The following DPF3 variants were observed in gnomAD, a reference collection of about 807,000 sequenced individuals.
The protein encoded by DPF3 is zinc finger protein DPF3.
Under a neutral mutation model 56.8 loss-of-function variants are expected in DPF3, and 18 were observed. The ratio of observed to expected loss-of-function variants is 0.32; its 90% CI spans 0.22 to 0.47. The LOEUF (loss-of-function observed/expected upper bound fraction) is 0.47. Among genes scored for constraint, DPF3 ranks in the 20% least tolerant of loss-of-function variants. The pLI, the probability that DPF3 is intolerant of heterozygous loss-of-function variation, is 1.00. For synonymous variants in DPF3, 188 were observed against 180.2 expected, an observed-to-expected ratio of 1.04 and a Z score of -0.35; for missense variants, 403 against 488.8, an observed-to-expected ratio of 0.82 and a Z score of 1.65.
At chr14:72,867,889 T>C (rs1885740041) in intron 1 of DPF3, among the ~76,000 whole-genome samples, 1 of 152,068 alleles carries the variant, frequency 6.6e-6, no homozygotes, top group Non-Finnish European at 1.5e-5. Context: ...CAGGTGTGTG[T>C]CACCATGCCT....
chr14:72,762,266 A>C (rs7150122), intron 2 of DPF3, among the ~76,000 whole-genome samples: 4,484 of 151,952 alleles, frequency 0.03, 228 homozygotes, highest in African/African-American at 0.1. Context: ...ATCTCTCATA[A>C]ACATAGATGC....
At chr14:72,749,972 A>G (rs920166459) in intron 3 of DPF3, among the ~76,000 whole-genome samples, 2 of 152,210 alleles carry the variant, frequency 1.3e-5, no homozygotes, top group Admixed American at 1.3e-4. Context: ...GAAGCCAGAT[A>G]AACCCTGGGA....
intron 3 of DPF3, among the ~76,000 whole-genome samples, chr14:72,732,612 C>A (rs1032911608): frequency 3.9e-5 from 6 of 152,156 alleles, no homozygotes; most frequent in Non-Finnish European, 8.8e-5. Context: ...TGCACAGCCA[C>A]GCCACGACCT....
At chr14:72,671,173 C>CT in intron 8 of DPF3, 1 of 1,613,924 alleles carries the variant, frequency 6.2e-7, no homozygotes, top group Non-Finnish European at 8.5e-7. Context: ...GGGCGAACCC[C>CT]GGCCACTGCG....
chr14:72,804,988 A>T (rs1882687247), intron 1 of DPF3, among the ~76,000 whole-genome samples: 1 of 151,468 alleles, frequency 6.6e-6, no homozygotes, highest in Non-Finnish European at 1.5e-5. Flanking sequence ...ACAAAGCAGT[A>T]GTCACTTTCC....
At chr14:72,861,031 ACACACACACACACAC>A (rs1885379941) in intron 1 of DPF3, among the ~76,000 whole-genome samples, 59 of 1,280 alleles carry the variant, frequency 0.046, no homozygotes, top group African/African-American at 0.32. Context: ...CACTATACAC[ACACACACACACACAC>A]ACACACACAC....
chr14:72,870,679 TATC>T lies in DPF3; in HGVS notation c.32+23375_32+23377del, dbSNP rs563034836. 1.4e-3 allele frequency among the ~76,000 whole-genome samples: 215 copies of T among 152,346 alleles called. 3 individuals are homozygous for T. Among genetic ancestry groups the T allele is most frequent in the African/African-American group, 4.9e-3 (203 of 41,574 alleles). ...TAGGAAAACCAGTGCTTCTCCTACT[TATC>T]ATTTCATTTTTTTAAAGATGCCAGT... On this transcript the variant is annotated intron_variant, in intron 1 of 10. Coordinates refer to ENST00000556509, the MANE Select transcript of DPF3 (RefSeq NM_001280542.3).
intron 6 of DPF3, among the ~76,000 whole-genome samples, chr14:72,711,741 G>A (rs1214320735): frequency 6.6e-6 from 1 of 152,174 alleles, no homozygotes; most frequent in Non-Finnish European, 1.5e-5. Flanking sequence ...AAGGGGACCT[G>A]TAGGAGAGAA....
At chr14:72,786,260 C>A (rs2139973531) in intron 1 of DPF3, among the ~76,000 whole-genome samples, 1 of 138,554 alleles carries the variant, frequency 7.2e-6, no homozygotes, top group South Asian at 2.4e-4. Flanking sequence ...GAGACTCCAC[C>A]TAAAAAAAAA....
At chr14:72,842,896 G>A (rs1029241803) in intron 1 of DPF3, among the ~76,000 whole-genome samples, 40 of 152,132 alleles carry the variant, frequency 2.6e-4, no homozygotes, top group African/African-American at 7.2e-4. Context: ...GGTGGCAGAC[G>A]CTTGTTATCC....
At chr14:72,630,750 A>C (rs1885123231) in intron 8 of DPF3, among the ~76,000 whole-genome samples, 1 of 152,064 alleles carries the variant, frequency 6.6e-6, no homozygotes. Context: ...ACTCTGTCAC[A>C]AAAAACATTG....
At chr14:72,855,937 G>T (rs11845946) in intron 1 of DPF3, among the ~76,000 whole-genome samples, 6,034 of 152,272 alleles carry the variant, frequency 0.04, 344 homozygotes, top group African/African-American at 0.13. Flanking sequence ...TTAGTGGGCA[G>T]GGAATGTCAG....
At chr14:72,743,176 G>A (rs552854376) in intron 3 of DPF3, among the ~76,000 whole-genome samples, 43 of 152,136 alleles carry the variant, frequency 2.8e-4, no homozygotes, top group East Asian at 9.6e-4. Flanking sequence ...CATCACCCTC[G>A]GAATTCGGCA....
chr14:72,687,214 C>CA (rs1887450784), intron 7 of DPF3, among the ~76,000 whole-genome samples: 1 of 152,188 alleles, frequency 6.6e-6, no homozygotes, highest in African/African-American at 2.4e-5. Flanking sequence ...AGGCATACCA[C>CA]CCTTGCACAA....
chr14:72,754,115 G>A (rs1344166922), intron 2 of DPF3, among the ~76,000 whole-genome samples: 1 of 152,184 alleles, frequency 6.6e-6, no homozygotes, highest in Non-Finnish European at 1.5e-5. Context: ...GCACCATGAG[G>A]AGCCTTCCTG....
intron 1 of DPF3, among the ~76,000 whole-genome samples, chr14:72,886,141 G>T (rs1053120275): frequency 4.6e-5 from 7 of 152,202 alleles, no homozygotes; most frequent in Middle Eastern, 3.2e-3. Flanking sequence ...GGAAGCTGAG[G>T]CGGGTGGATC....
At chr14:72,729,221 C>A (rs1183982434) in intron 4 of DPF3, among the ~76,000 whole-genome samples, 1 of 152,008 alleles carries the variant, frequency 6.6e-6, no homozygotes, top group Non-Finnish European at 1.5e-5. Flanking sequence ...TCACTCCAGC[C>A]TGGGCGACAC....
intron 1 of DPF3, among the ~76,000 whole-genome samples, chr14:72,893,418 G>A (rs546389209): frequency 6.6e-6 from 1 of 152,060 alleles, no homozygotes; most frequent in African/African-American, 2.4e-5. Context: ...GGCTGCCGGG[G>A]AAAGCCCGGG....
In DPF3 at chr14:72,764,484, G is replaced by GTTTTTT. The variant is rs57886183; in HGVS notation, c.193+7243_193+7248dup. ...AGTATGCAAACTATTTTCCTGAGTT[G>GTTTTTT]TTTTTTTTTTTTTTTTTTTTTTTTT... On this transcript the variant is annotated intron_variant, in intron 2 of 10. Coordinates refer to ENST00000556509, the MANE Select transcript of DPF3 (RefSeq NM_001280542.3). Among the ~76,000 whole-genome samples the GTTTTTT allele has an allele frequency of 2.2e-3, 117 of 52,798 alleles. 18 individuals are homozygous for GTTTTTT. The highest frequency in any genetic ancestry group is 8.3e-3 in the African/African-American group (106 of 12,768). The allele number at this position is 52,798 out of a possible 152,430, so 34.6% of individuals were successfully genotyped here. A position where few individuals can be genotyped will look rare whatever the true frequency, so the allele number is the denominator to read the frequency against.
Sources: allele counts gnomAD v4.1 joint callset (sites outside exome capture counted in the v4.1 genomes callset), GRCh38; gene constraint gnomAD v4.1.1; transcripts MANE v1.5; gene names NCBI Gene and HGNC (gene_info 2026-07-23, HGNC 2026-07-21).